Variants in COL1A2 observed in about 807,000 individuals in gnomAD.
COL1A2 encodes collagen alpha-2(I) chain.
COL1A2 carries 49 observed loss-of-function variants against 174.3 expected under a neutral mutation model. The ratio of observed to expected loss-of-function variants is 0.28; its 90% CI spans 0.22 to 0.36. The LOEUF (loss-of-function observed/expected upper bound fraction) is 0.36. Among genes scored for constraint, COL1A2 ranks in the 10% least tolerant of loss-of-function variants. The pLI is 1.00. For synonymous variants in COL1A2, 655 were observed against 606.6 expected (o/e 1.08, Z -1.17); for missense variants, 1,438 against 1,822.7 (o/e 0.79, Z 3.84).
intron 1 of COL1A2, among the ~76,000 whole-genome samples, chr7:94,396,314 TTGTG>T (rs60833112): frequency 0.4 from 60,219 of 149,592 alleles, 13,131 homozygotes; most frequent in Non-Finnish European, 0.48. Flanking sequence ...ATTTGTGTGC[TTGTG>T]TGTGTGTGTG....
In COL1A2 at chr7:94,430,474, A is replaced by G; in HGVS notation, c.*81A>G. On this transcript the variant is annotated 3_prime_UTR_variant, in exon 52 of 52. Transcript: ENST00000297268. ...ATTTCTTCTTCTTCTTTTTTAACTG[A>G]AAGCTGAATCCTTCCATTTCTTCTG... 2 of 1,434,810 alleles carry G rather than the reference A, an allele frequency of 1.4e-6. No homozygotes were observed. The highest frequency in any genetic ancestry group is 1.9e-6 in the Non-Finnish European group (2 of 1,031,700). 88.9% of individuals were successfully genotyped at this position (1,434,810 alleles called of 1,614,324 possible).
At chr7:94,403,377 T>C (rs1791729228) in intron 6 of COL1A2, among the ~76,000 whole-genome samples, 2 of 152,126 alleles carry the variant, frequency 1.3e-5, no homozygotes, top group Admixed American at 1.3e-4. Flanking sequence ...GGAAAATCAA[T>C]AACTATAAAA....
intron 5 of COL1A2, among the ~76,000 whole-genome samples, chr7:94,401,158 G>T (rs779261313): frequency 2.0e-5 from 3 of 147,404 alleles, no homozygotes; most frequent in Non-Finnish European, 3.0e-5. Flanking sequence ...GTGTAGCTCC[G>T]GTGGGGAAGG....
In COL1A2 at chr7:94,417,757, G is replaced by C. The variant is rs1205549801; in HGVS notation, c.1897G>C (p.Ala633Pro). 1.2e-6 allele frequency: 2 copies of C among 1,602,022 alleles called. No homozygotes were observed. The highest frequency in any genetic ancestry group is 1.7e-6 in the Non-Finnish European group (2 of 1,174,318). Residue 633 changes from alanine to proline, a missense_variant, in exon 32 of 52, where the codon GCT becomes CCT. This residue lies in a region of COL1A2 where 867 missense variants were observed against 1,213.7 expected (regional missense o/e 0.71). Coordinates refer to ENST00000297268, the MANE Select transcript of COL1A2 (RefSeq NM_000089.4). ...TGGTGTGGTTGGTGCTGTGGGCACTGCTGGTCCATCTGGTCCTAGTGGACT... is the reference window on the plus strand; with the variant it reads ...TGGTGTGGTTGGTGCTGTGGGCACTCCTGGTCCATCTGGTCCTAGTGGACT... ...EPGVVGAVGT[A>P]GPSGPSGLPG...
chr7:94,403,875 G>T (rs1406956796), intron 6 of COL1A2, among the ~76,000 whole-genome samples: 1 of 152,066 alleles, frequency 6.6e-6, no homozygotes, highest in Non-Finnish European at 1.5e-5. Flanking sequence ...CCCTACTTTT[G>T]TGCTATGGAA....
chr7:94,422,128 A>G, intron 39 of COL1A2, 176 bp downstream of exon 39: 1 of 543,962 alleles, frequency 1.8e-6, no homozygotes, highest in South Asian at 3.1e-5. Context: ...GTTATATTTT[A>G]TAATATCAGT....
At chr7:94,412,208 C>T in intron 24 of COL1A2, 87 bp downstream of exon 24, 1 of 1,112,362 alleles carries the variant, frequency 9.0e-7, no homozygotes, top group Non-Finnish European at 1.4e-6. Context: ...TATACATGAA[C>T]ACATTGAAAA....
At chr7:94,420,933 T>A in intron 37 of COL1A2, 76 bp from the exon 38 acceptor site, 1 of 1,366,728 alleles carries the variant, frequency 7.3e-7, no homozygotes, top group South Asian at 1.2e-5. Context: ...GATGCGGGAA[T>A]GATCCACTTG....
In COL1A2 at chr7:94,420,638, C is replaced by A; in HGVS notation, c.2285C>A (p.Ala762Asp). 2 of 1,594,598 alleles carry A rather than the reference C, an allele frequency of 1.3e-6. No individual in the cohort carries two copies. Among genetic ancestry groups the A allele is most frequent in the Non-Finnish European group, 1.7e-6 (2 of 1,170,102 alleles). Residue 762 changes from alanine (A) to aspartate (D), a missense_variant, in exon 37 of 52, where the codon GCT becomes GAT. Ala to Asp is a moderately radical substitution (Grantham distance 126). Coordinates refer to ENST00000297268, the MANE Select transcript of COL1A2 (RefSeq NM_000089.4). Reference protein sequence around the residue: ...VVGPTGPVGAAGPAGPNGPPG... With the variant: ...VVGPTGPVGADGPAGPNGPPG... ...GGTCCCACAGGCCCCGTTGGAGCTG[C>A]TGGCCCAGCTGTAAGTTGAATTCAC... is the stretch of plus-strand genomic sequence containing the variant.
intron 34 of COL1A2, 56 bp downstream of exon 34, chr7:94,419,607 TA>T (rs1792110423): frequency 1.3e-6 from 2 of 1,594,168 alleles, no homozygotes; most frequent in Non-Finnish European, 1.7e-6. Context: ...CCGCCTTCCC[TA>T]GTCCCAAAGA....
intron 42 of COL1A2, 35 bp from the exon 43 acceptor site, chr7:94,425,575 C>T: frequency 6.2e-7 from 1 of 1,610,234 alleles, no homozygotes; most frequent in Non-Finnish European, 8.5e-7. Context: ...AGCAGAGCCT[C>T]ACCAACAGCC....
At chr7:94,429,522 G>GT in intron 51 of COL1A2, 92 bp downstream of exon 51, 2 of 1,386,490 alleles carry the variant, frequency 1.4e-6, no homozygotes, top group Non-Finnish European at 2.0e-6. Context: ...CTAAAGGGGG[G>GT]TTAAAAGAAC....
intron 33 of COL1A2, among the ~76,000 whole-genome samples, chr7:94,418,846 A>G (rs1792095889): frequency 6.6e-6 from 1 of 152,026 alleles, no homozygotes; most frequent in Non-Finnish European, 1.5e-5. Flanking sequence ...AGAATATTAA[A>G]TGATTGCTTC....
chr7:94,404,884 G>A lies in COL1A2; in HGVS notation c.424G>A (p.Gly142Ser). The A allele has an allele frequency of 1.9e-6, 3 of 1,614,024 alleles. No homozygotes were observed. The highest frequency in any genetic ancestry group is 2.5e-6 in the Non-Finnish European group (3 of 1,179,976). ...RGPAGPPGKA[G>S]EDGHPGKPGR... ...TCCAGCTGGCCCTCCTGGCAAGGCT[G>A]GTGAAGATGTAAGTATTTACTCTTA... The change falls in exon 9 of 52, where the codon GGT becomes AGT. Residue 142 changes from glycine to serine, a missense_variant. Gly to Ser is a moderately conservative substitution (Grantham distance 56). Coordinates refer to ENST00000297268, the MANE Select transcript of COL1A2 (RefSeq NM_000089.4).
chr7:94,418,181 C>T (rs947527172), intron 32 of COL1A2, among the ~76,000 whole-genome samples: 3 of 152,170 alleles, frequency 2.0e-5, no homozygotes, highest in Non-Finnish European at 4.4e-5. Flanking sequence ...AGTGATCAGG[C>T]GCTGCAGCCC....
intron 5 of COL1A2, 68 bp from the exon 6 acceptor site, chr7:94,401,499 T>A: frequency 1.5e-6 from 1 of 674,552 alleles, no homozygotes; most frequent in Non-Finnish European, 2.0e-6. Context: ...AATGAGAAAA[T>A]GAACTACATG....
chr7:94,419,226 C>T (rs1244183850), intron 33 of COL1A2, among the ~76,000 whole-genome samples: 2 of 151,540 alleles, frequency 1.3e-5, no homozygotes, highest in Admixed American at 1.3e-4. Flanking sequence ...GGGAATTTTA[C>T]AATAGCGGAA....
At chr7:94,399,786 GT>G (rs1384310091) in intron 4 of COL1A2, among the ~76,000 whole-genome samples, 5 of 152,166 alleles carry the variant, frequency 3.3e-5, no homozygotes, top group African/African-American at 1.2e-4. Flanking sequence ...TGTCACATCA[GT>G]TAATTCATTC....
chr7:94,424,226 T>A lies in COL1A2; in HGVS notation c.2566-110T>A, dbSNP rs1792227545. On this transcript the variant is annotated intron_variant, in intron 40 of 51. Transcript: ENST00000297268. ...AAGGATATGTCCTAGTAATAGGAGG[T>A]CATTAGCCTTTTTCTAAGCTGAAGA... 7.0e-6 allele frequency: 6 copies of A among 851,148 alleles called. No individual in the cohort carries two copies. The Admixed American group carries it at 1.1e-4, about 16-fold the overall frequency. The allele number at this position is 851,148 out of a possible 1,614,324, so 52.7% of individuals were successfully genotyped here.
Sources: allele counts gnomAD v4.1 joint callset (sites outside exome capture counted in the v4.1 genomes callset), GRCh38; gene constraint gnomAD v4.1.1; regional missense constraint gnomAD v4.1.1; transcripts MANE v1.5; gene names NCBI Gene and HGNC (gene_info 2026-07-23, HGNC 2026-07-21).